Variants in ROBO2 observed in about 807,000 individuals in gnomAD.
The protein encoded by ROBO2 is roundabout homolog 2.
In ROBO2, 53 loss-of-function variants were observed where a neutral mutation model predicts 160.8. The ratio of observed to expected loss-of-function variants is 0.33; its 90% CI spans 0.26 to 0.41. The LOEUF is 0.41. Among genes scored for constraint, ROBO2 ranks in the 10% least tolerant of loss-of-function variants. ROBO2 has a pLI of 1.00. For synonymous variants in ROBO2, 664 were observed against 611.7 expected (o/e 1.09, Z -1.26); for missense variants, 1,577 against 1,722.4 (o/e 0.92, Z 1.49).
intron 2 of ROBO2, among the ~76,000 whole-genome samples, chr3:77,452,016 G>A (rs2081170252): frequency 2.0e-5 from 3 of 151,978 alleles, no homozygotes; most frequent in South Asian, 4.1e-4. Context: ...GAGAACATGC[G>A]GTGTTTGGTT....
intron 2 of ROBO2, among the ~76,000 whole-genome samples, chr3:76,662,774 C>T (rs1420941915): frequency 2.0e-5 from 3 of 151,996 alleles, no homozygotes; most frequent in Admixed American, 6.6e-5. Context: ...GTTGAGGAGT[C>T]AGGAAGGAAA....
At chr3:76,394,313 G>A (rs2077309984) in intron 2 of ROBO2, among the ~76,000 whole-genome samples, 2 of 151,992 alleles carry the variant, frequency 1.3e-5, no homozygotes, top group South Asian at 4.2e-4. Flanking sequence ...CTCTTTTAGG[G>A]CAGGCCTGGT....
chr3:76,592,369 A>G (rs923959938), intron 2 of ROBO2, among the ~76,000 whole-genome samples: 7 of 152,094 alleles, frequency 4.6e-5, no homozygotes, highest in African/African-American at 1.7e-4. Context: ...GCTCTTGCTA[A>G]CAAACTAACC....
chr3:76,333,814 C>T (rs1325555255), intron 2 of ROBO2, among the ~76,000 whole-genome samples: 1 of 152,120 alleles, frequency 6.6e-6, no homozygotes, highest in African/African-American at 2.4e-5. Flanking sequence ...AATAAACATA[C>T]TAAAAATGAT....
intron 2 of ROBO2, among the ~76,000 whole-genome samples, chr3:76,093,819 G>A (rs900727184): frequency 1.2e-4 from 18 of 152,096 alleles, no homozygotes; most frequent in Non-Finnish European, 1.5e-5. Context: ...ACAGGAAAAT[G>A]TGTGGCATTT....
intron 2 of ROBO2, among the ~76,000 whole-genome samples, chr3:76,027,035 C>T (rs138373038): frequency 6.6e-6 from 1 of 151,970 alleles, no homozygotes; most frequent in East Asian, 1.9e-4. Flanking sequence ...AGAAAGCCCA[C>T]CAAAAGAGAT....
chr3:77,305,173 CTTGTT>C (rs1357752794), intron 2 of ROBO2, among the ~76,000 whole-genome samples: 1 of 152,180 alleles, frequency 6.6e-6, no homozygotes, highest in African/African-American at 2.4e-5. Context: ...GATTTTCACT[CTTGTT>C]TTGTAACATT....
At chr3:76,986,895 TACA>T (rs2060410951) in intron 2 of ROBO2, among the ~76,000 whole-genome samples, 1 of 152,068 alleles carries the variant, frequency 6.6e-6, no homozygotes, top group Non-Finnish European at 1.5e-5. Flanking sequence ...TGAGACAAGA[TACA>T]ACAAACAGCT....
chr3:76,651,088 G>C (rs2091235013), intron 2 of ROBO2, among the ~76,000 whole-genome samples: 1 of 152,152 alleles, frequency 6.6e-6, no homozygotes, highest in Admixed American at 6.5e-5. Context: ...AGGAAGAGGA[G>C]GGGTTGAAGT....
At chr3:77,401,882 A>G (rs2075827427) in intron 2 of ROBO2, among the ~76,000 whole-genome samples, 1 of 152,210 alleles carries the variant, frequency 6.6e-6, no homozygotes, top group Non-Finnish European at 1.5e-5. Context: ...CACTCCTACC[A>G]AAAGTGTAAA....
At chr3:77,457,039 G>A (rs947444022) in intron 2 of ROBO2, among the ~76,000 whole-genome samples, 17 of 152,110 alleles carry the variant, frequency 1.1e-4, no homozygotes, top group African/African-American at 3.9e-4. Flanking sequence ...AGAGATTACA[G>A]TCCCCTCCAG....
intron 2 of ROBO2, among the ~76,000 whole-genome samples, chr3:76,150,316 C>T (rs1303451138): frequency 1.3e-5 from 2 of 151,432 alleles, no homozygotes; most frequent in African/African-American, 2.4e-5. Context: ...AAGCACACAT[C>T]ATCTGTCTAA....
At chr3:77,236,667 T>C (rs80087636) in intron 2 of ROBO2, among the ~76,000 whole-genome samples, 158 of 152,278 alleles carry the variant, frequency 1.0e-3, no homozygotes, top group African/African-American at 3.6e-3. Flanking sequence ...AATTCCACTG[T>C]CCTAAAAATT....
At chr3:76,939,825 C>T (rs1160820421) in intron 2 of ROBO2, among the ~76,000 whole-genome samples, 2 of 152,112 alleles carry the variant, frequency 1.3e-5, no homozygotes, top group African/African-American at 4.8e-5. Context: ...TCTTCTCTTA[C>T]CTTTATGCAC....
At chr3:76,087,126 C>G (rs1254165700) in intron 2 of ROBO2, among the ~76,000 whole-genome samples, 3 of 151,656 alleles carry the variant, frequency 2.0e-5, no homozygotes, top group Admixed American at 1.3e-4. Flanking sequence ...GAATTTCTCC[C>G]AAATTAATGA....
chr3:76,909,076 T>C (rs969266141), intron 2 of ROBO2, among the ~76,000 whole-genome samples: 2 of 152,086 alleles, frequency 1.3e-5, no homozygotes, highest in Non-Finnish European at 2.9e-5. Context: ...ATTTTTAAAT[T>C]AGCTGGGCTT....
intron 2 of ROBO2, among the ~76,000 whole-genome samples, chr3:76,020,895 T>G (rs2066555939): frequency 6.6e-6 from 1 of 151,880 alleles, no homozygotes; most frequent in Non-Finnish European, 1.5e-5. Context: ...ACATCTTACT[T>G]TTGAATTATT....
intron 2 of ROBO2, among the ~76,000 whole-genome samples, chr3:77,303,257 A>T (rs996617396): frequency 3.9e-5 from 6 of 152,210 alleles, no homozygotes; most frequent in Non-Finnish European, 8.8e-5. Flanking sequence ...AATGTCTAGA[A>T]TATTTTATAT....
At chr3:76,930,659 G>A (rs2077280142) in intron 2 of ROBO2, among the ~76,000 whole-genome samples, 1 of 152,278 alleles carries the variant, frequency 6.6e-6, no homozygotes, top group South Asian at 2.1e-4. Flanking sequence ...GCAAGCTGGA[G>A]AAATGGGAAA....
Sources: gnomAD v4.1 joint callset for allele counts (sites outside exome capture counted in the v4.1 genomes callset) on GRCh38, gnomAD v4.1.1 for gene constraint, MANE v1.5 for transcripts, NCBI Gene and HGNC (gene_info 2026-07-23, HGNC 2026-07-21) for gene names.